EVA1C: variants seen among roughly 807,000 people sequenced by gnomAD.
The protein encoded by EVA1C is eva-1 homolog C.
In EVA1C, 25 loss-of-function variants were observed where a neutral mutation model predicts 45.4. The observed-to-expected ratio is 0.55, with a 90% CI of 0.40 to 0.77. The LOEUF (loss-of-function observed/expected upper bound fraction) is 0.77, where lower values mean the gene tolerates loss of function less well. EVA1C is among the 30% of genes least tolerant of loss of function. The pLI, the probability that EVA1C is intolerant of heterozygous loss-of-function variation, is 0.00. For synonymous variants in EVA1C, 190 were observed against 221.2 expected (o/e 0.86, Z 1.25); for missense variants, 479 against 554.8 (o/e 0.86, Z 1.37).
At chr21:32,476,011 G>T (rs373343378) in intron 4 of EVA1C, among the ~76,000 whole-genome samples, 23 of 152,040 alleles carry the variant, frequency 1.5e-4, no homozygotes, top group Non-Finnish European at 2.6e-4. Flanking sequence ...TCCAATTTAA[G>T]AGGTATAAAA....
intron 1 of EVA1C, among the ~76,000 whole-genome samples, chr21:32,448,889 A>G (rs2035459854): frequency 1.2e-5 from 1 of 82,538 alleles, no homozygotes; most frequent in Non-Finnish European, 2.2e-5. Flanking sequence ...AGCCTGGGTG[A>G]CAAAGAAAAA....
intron 4 of EVA1C, among the ~76,000 whole-genome samples, chr21:32,481,509 G>GAAA (rs36096674): frequency 8.1e-6 from 1 of 123,664 alleles, no homozygotes; most frequent in Non-Finnish European, 1.7e-5. Context: ...GCAGCCACAA[G>GAAA]AAAAAAAAAA....
At chr21:32,450,513 C>CT (rs563192690) in intron 1 of EVA1C, among the ~76,000 whole-genome samples, 2 of 74 alleles carry the variant, frequency 0.027, no homozygotes, top group African/African-American at 0.042. Flanking sequence ...GGACCACAGT[C>CT]CGGGAATGCT....
At chr21:32,463,329 G>A (rs574740671) in intron 3 of EVA1C, among the ~76,000 whole-genome samples, 28 of 152,302 alleles carry the variant, frequency 1.8e-4, no homozygotes, top group Admixed American at 3.9e-4. Context: ...CTGGAAGGCT[G>A]CCCACACCTT....
At position 32,514,974 on chromosome 21, in the gene EVA1C, G is replaced by A; in HGVS notation, c.1110G>A (p.Glu370=). ...TGCCAGGAAGTGACAAGGTCGAGGA[G>A]GACAGCGAGGATGAAGAAGAGGAGG... ...QLVPGSDKVE[E]DSEDEEEEED... Residue 370 remains glutamate (E), a synonymous_variant, in exon 8 of 8, where the codon GAG becomes GAA. Coordinates refer to ENST00000300255, the MANE Select transcript of EVA1C (RefSeq NM_058187.5). 6.2e-7 allele frequency: 1 copy of A among 1,614,156 alleles called. No individual in the cohort carries two copies. Among genetic ancestry groups the A allele is most frequent in the East Asian group, 2.2e-5 (1 of 44,890 alleles).
chr21:32,421,988 T>C (rs2034290753), intron 1 of EVA1C, among the ~76,000 whole-genome samples: 1 of 136,300 alleles, frequency 7.3e-6, no homozygotes, highest in Non-Finnish European at 1.5e-5. Flanking sequence ...GAGGTTGCAG[T>C]GAGCTGAGAC....
chr21:32,420,750 C>T (rs2034237579), intron 1 of EVA1C, among the ~76,000 whole-genome samples: 1 of 152,210 alleles, frequency 6.6e-6, no homozygotes, highest in African/African-American at 2.4e-5. Flanking sequence ...GTTCAAAGAA[C>T]TTCATGTTAA....
At chr21:32,509,509 G>A (rs1164987390) in intron 7 of EVA1C, among the ~76,000 whole-genome samples, 6 of 152,314 alleles carry the variant, frequency 3.9e-5, no homozygotes, top group South Asian at 2.1e-4. Flanking sequence ...ATCCCCAGGC[G>A]CCAAGCTGAG....
chr21:32,436,948 T>TCTGCC (rs112014142), intron 1 of EVA1C, among the ~76,000 whole-genome samples: 2 of 152,212 alleles, frequency 1.3e-5, no homozygotes, highest in African/African-American at 4.8e-5. Flanking sequence ...TCACTTGAGG[T>TCTGCC]CACGAGTTCA....
intron 1 of EVA1C, among the ~76,000 whole-genome samples, chr21:32,425,348 A>G (rs1030976669): frequency 6.6e-6 from 1 of 151,092 alleles, no homozygotes; most frequent in Non-Finnish European, 1.5e-5. Context: ...AAAAAAAAAA[A>G]AAAAAAAGAG....
chr21:32,475,788 C>A (rs1256119975), intron 4 of EVA1C, among the ~76,000 whole-genome samples: 1 of 152,138 alleles, frequency 6.6e-6, no homozygotes, highest in Non-Finnish European at 1.5e-5. Flanking sequence ...TGACTTCCAG[C>A]TGACTTCCTT....
At chr21:32,494,549 G>A (rs751575754) in intron 4 of EVA1C, among the ~76,000 whole-genome samples, 20 of 152,138 alleles carry the variant, frequency 1.3e-4, no homozygotes, top group Non-Finnish European at 2.4e-4. Context: ...TTGGGAGGCC[G>A]AAGCAGGCAA....
intron 5 of EVA1C, 132 bp downstream of exon 5, chr21:32,495,302 A>G: frequency 1.3e-6 from 1 of 793,896 alleles, no homozygotes; most frequent in Non-Finnish European, 1.9e-6. Flanking sequence ...TGGTCATCCC[A>G]GATACCCGAG....
In EVA1C at chr21:32,500,339, T is replaced by C. The variant is rs774391708; in HGVS notation, c.779-1076T>C. Among the ~76,000 whole-genome samples the C allele has an allele frequency of 3.3e-5, 5 of 151,878 alleles. No homozygotes were observed. The South Asian group carries it at 6.2e-4, about 19-fold the overall frequency. On this transcript the variant is annotated intron_variant, in intron 5 of 7. Coordinates refer to ENST00000300255, the MANE Select transcript of EVA1C (RefSeq NM_058187.5). ...TAATTTTTGTATCTTTTAGTAGAGATGGGGTTTCGCCATGTTGGCCAGCCT... is the reference window on the plus strand; with the variant it reads ...TAATTTTTGTATCTTTTAGTAGAGACGGGGTTTCGCCATGTTGGCCAGCCT...
chr21:32,442,211 A>G (rs1601271230), intron 1 of EVA1C, among the ~76,000 whole-genome samples: 2 of 152,314 alleles, frequency 1.3e-5, no homozygotes, highest in East Asian at 3.9e-4. Context: ...ATCTGAGCTC[A>G]TCACTTAAGA....
rs542155593 is a variant in EVA1C, at chr21:32,483,272, G to C, written c.635-11755G>C. 1.2e-4 allele frequency among the ~76,000 whole-genome samples: 19 copies of C among 152,250 alleles called. No individual in the cohort carries two copies. The South Asian group carries it at 3.9e-3, about 32-fold the overall frequency. On this transcript the variant is annotated intron_variant, in intron 4 of 7. Transcript: ENST00000300255. ...TTATTAAGCCCTGATTTGAATGTGG[G>C]TGGCCTGTCTGGCGCCCGAATGTGC...
intron 1 of EVA1C, among the ~76,000 whole-genome samples, chr21:32,441,951 C>T (rs1349676208): frequency 3.9e-5 from 6 of 152,178 alleles, no homozygotes; most frequent in East Asian, 3.9e-4. Context: ...TGACAGCAGA[C>T]GGGGAGAGAG....
At chr21:32,513,557 T>C (rs1048286019) in intron 7 of EVA1C, among the ~76,000 whole-genome samples, 15 of 141,186 alleles carry the variant, frequency 1.1e-4, no homozygotes, top group Middle Eastern at 3.6e-3. Flanking sequence ...TTTTCTTTTT[T>C]TTTTTTTTTT....
At chr21:32,487,931 T>TGGTCAGTCAGAGGCCC (rs1170613686) in intron 4 of EVA1C, among the ~76,000 whole-genome samples, 1 of 152,150 alleles carries the variant, frequency 6.6e-6, no homozygotes, top group Non-Finnish European at 1.5e-5. Flanking sequence ...CCCTGATTTA[T>TGGTCAGTCAGAGGCCC]AGGTGGTCAG....
Sources: gnomAD v4.1 joint callset for allele counts (sites outside exome capture counted in the v4.1 genomes callset) on GRCh38, gnomAD v4.1.1 for gene constraint, MANE v1.5 for transcripts, NCBI Gene and HGNC (gene_info 2026-07-23, HGNC 2026-07-21) for gene names.